Variants in TMEM156 observed in about 807,000 individuals in gnomAD.
The protein encoded by TMEM156 is transmembrane protein 156.
Under a neutral mutation model 30.5 loss-of-function variants are expected in TMEM156, and 28 were observed. That is an observed-to-expected ratio of 0.92 (90% CI 0.68 to 1.26). TMEM156 has a LOEUF of 1.26. TMEM156 is among the 50% of genes most tolerant of loss of function. The pLI, the probability that TMEM156 is intolerant of heterozygous loss-of-function variation, is 0.00. For missense variants in TMEM156, 351 were observed against 340.6 expected (o/e 1.03, Z -0.24); for synonymous variants, 137 against 119.9 (o/e 1.14, Z -0.93).
At chr4:38,979,293 C>T (rs894450035) in intron 5 of TMEM156, among the ~76,000 whole-genome samples, 2 of 152,216 alleles carry the variant, frequency 1.3e-5, no homozygotes, top group African/African-American at 2.4e-5. Flanking sequence ...CTGGCAGGGT[C>T]CTGGCCTTGC....
intron 5 of TMEM156, among the ~76,000 whole-genome samples, chr4:38,985,946 A>G (rs1711950422): frequency 6.6e-6 from 1 of 152,204 alleles, no homozygotes; most frequent in African/African-American, 2.4e-5. Flanking sequence ...TCTTTACACA[A>G]TGACACCCTC....
rs1711749146 is a variant in TMEM156 at position 38,983,697 on chromosome 4, G to T, written c.823+2639C>A. On this transcript the variant is annotated intron_variant, in intron 5 of 6. Transcript: ENST00000381938. ...TTACAGGCGTGGGCCACCACACTCG[G>T]CCTAGAGTTACTTTTGCATGTTTTT... 2.6e-5 allele frequency among the ~76,000 whole-genome samples: 4 copies of T among 152,214 alleles called. No homozygotes were observed. The South Asian group carries it at 8.3e-4, about 32-fold the overall frequency.
chr4:39,017,530 T>A (rs1399442954), intron 1 of TMEM156, among the ~76,000 whole-genome samples: 2 of 152,102 alleles, frequency 1.3e-5, no homozygotes, highest in Admixed American at 6.6e-5. Context: ...GATGTTGAGT[T>A]CAATATTCTA....
At chr4:39,029,314 A>G (rs1715385038) in intron 1 of TMEM156, among the ~76,000 whole-genome samples, 1 of 152,158 alleles carries the variant, frequency 6.6e-6, no homozygotes. Flanking sequence ...CGAATGGAGT[A>G]AGACTAGGCA....
At chr4:38,973,327 G>A (rs1032116069) in intron 5 of TMEM156, among the ~76,000 whole-genome samples, 21 of 151,776 alleles carry the variant, frequency 1.4e-4, no homozygotes, top group Admixed American at 8.5e-4. Flanking sequence ...TTATATATTC[G>A]TCTTCCTCTT....
chr4:39,003,036 TA>T (rs1032973411), intron 1 of TMEM156, among the ~76,000 whole-genome samples: 3 of 151,946 alleles, frequency 2.0e-5, no homozygotes, highest in African/African-American at 7.3e-5. Flanking sequence ...AGTATAATAA[TA>T]AAAAAATTTA....
At chr4:39,008,601 G>A (rs1577564327) in intron 1 of TMEM156, among the ~76,000 whole-genome samples, 1 of 151,926 alleles carries the variant, frequency 6.6e-6, no homozygotes, top group Non-Finnish European at 1.5e-5. Context: ...TGAGTAACAA[G>A]GTATACTAGC....
At chr4:39,024,454 G>C (rs367711722) in intron 1 of TMEM156, among the ~76,000 whole-genome samples, 23 of 152,220 alleles carry the variant, frequency 1.5e-4, no homozygotes, top group African/African-American at 5.3e-4. Context: ...TTTCCATAAA[G>C]AAAATGTGGT....
intron 5 of TMEM156, among the ~76,000 whole-genome samples, chr4:38,982,194 T>A (rs531883779): frequency 1.3e-5 from 2 of 152,322 alleles, no homozygotes; most frequent in South Asian, 4.1e-4. Flanking sequence ...CCATGCTGGA[T>A]GCTTCCTGCC....
intron 1 of TMEM156, among the ~76,000 whole-genome samples, chr4:39,007,336 T>C (rs1713809372): frequency 6.6e-6 from 1 of 152,220 alleles, no homozygotes; most frequent in African/African-American, 2.4e-5. Context: ...CCGGTGGTAC[T>C]TTTGACTTGA....
intron 1 of TMEM156, among the ~76,000 whole-genome samples, chr4:39,005,389 T>C (rs1307029318): frequency 6.6e-6 from 1 of 152,176 alleles, no homozygotes; most frequent in Non-Finnish European, 1.5e-5. Context: ...TAAGAGCCTC[T>C]TCCCTCTTTG....
At chr4:39,003,812 T>G (rs1264607880) in intron 1 of TMEM156, among the ~76,000 whole-genome samples, 2 of 152,202 alleles carry the variant, frequency 1.3e-5, no homozygotes, top group African/African-American at 4.8e-5. Context: ...TTTCATTTTA[T>G]GAAACTTTCA....
At chr4:38,996,036 A>G (rs1462998834) in intron 2 of TMEM156, among the ~76,000 whole-genome samples, 4 of 152,198 alleles carry the variant, frequency 2.6e-5, no homozygotes, top group Non-Finnish European at 5.9e-5. Context: ...ATCTGATAAA[A>G]GGTTAATATC....
At chr4:39,002,226 C>T (rs1713413882) in intron 1 of TMEM156, among the ~76,000 whole-genome samples, 2 of 151,226 alleles carry the variant, frequency 1.3e-5, no homozygotes, top group African/African-American at 4.9e-5. Flanking sequence ...GGGCGAAGGA[C>T]ATGAACAGAC....
At chr4:38,972,720 C>T (rs189592537) in intron 5 of TMEM156, among the ~76,000 whole-genome samples, 19 of 152,238 alleles carry the variant, frequency 1.2e-4, no homozygotes, top group Admixed American at 1.2e-3. Context: ...TAAGCGCCAG[C>T]CGTTTGTATT....
At position 38,967,163 on chromosome 4, in the gene TMEM156, A is replaced by G. The variant is rs1033943823; in HGVS notation, c.*517T>C. On this transcript the variant is annotated 3_prime_UTR_variant, in exon 7 of 7. Transcript: ENST00000381938. ...CAGCAAGATTCATAAATGCAAACAA[A>G]CATATAAATAAACAACCAGGCCCTC... 6.6e-6 allele frequency: 1 copy of G among 152,184 alleles called. No individual in the cohort carries two copies. Among genetic ancestry groups the G allele is most frequent in the African/African-American group, 2.4e-5 (1 of 41,438 alleles). 9.4% of individuals were successfully genotyped at this position (152,184 alleles called of 1,614,324 possible).
intron 1 of TMEM156, among the ~76,000 whole-genome samples, chr4:39,017,880 T>A (rs1021946039): frequency 6.6e-6 from 1 of 152,214 alleles, no homozygotes; most frequent in Non-Finnish European, 1.5e-5. Flanking sequence ...ATCTTAATGC[T>A]TTAGATAGGT....
intron 1 of TMEM156, among the ~76,000 whole-genome samples, chr4:39,022,395 G>A (rs1356562392): frequency 2.0e-5 from 3 of 152,244 alleles, no homozygotes; most frequent in South Asian, 2.1e-4. Context: ...GTCTCCTGAC[G>A]TATGACCCAG....
chr4:39,032,138 C>A, intron 1 of TMEM156, 88 bp downstream of exon 1: 1 of 808,062 alleles, frequency 1.2e-6, no homozygotes, highest in Non-Finnish European at 2.0e-6. Flanking sequence ...CAGCATGTGT[C>A]CAAAAAGAGG....
Sources: gnomAD v4.1 joint callset for allele counts (sites outside exome capture counted in the v4.1 genomes callset) on GRCh38, gnomAD v4.1.1 for gene constraint, MANE v1.5 for transcripts, NCBI Gene and HGNC (gene_info 2026-07-23, HGNC 2026-07-21) for gene names.